Variants in CLEC16A observed in about 807,000 individuals in gnomAD.
The protein encoded by CLEC16A is protein CLEC16A.
A neutral mutation model predicts 109.5 loss-of-function variants in CLEC16A; 51 were observed. The ratio of observed to expected loss-of-function variants is 0.47; its 90% CI spans 0.37 to 0.59. The LOEUF (loss-of-function observed/expected upper bound fraction) is 0.59, where lower values mean the gene tolerates loss of function less well. CLEC16A is among the 20% of genes least tolerant of loss of function. The pLI is 0.00. For synonymous variants in CLEC16A, 673 were observed against 564.2 expected, an observed-to-expected ratio of 1.19 and a Z score of -2.73; for missense variants, 1,339 against 1,394.0, an observed-to-expected ratio of 0.96 and a Z score of 0.63.
intron 10 of CLEC16A, among the ~76,000 whole-genome samples, chr16:10,987,417 T>G (rs769915178): frequency 1.3e-5 from 2 of 152,198 alleles, no homozygotes; most frequent in African/African-American, 2.4e-5. Context: ...GGGAAGTGTT[T>G]AGGAGATCTG....
intron 14 of CLEC16A, chr16:11,041,629 A>G (rs2047341340): frequency 6.6e-6 from 1 of 152,428 alleles, no homozygotes; most frequent in Non-Finnish European, 1.5e-5. Context: ...CTTTACTAAG[A>G]TTAAAAATGC....
chr16:11,061,104 G>T, intron 19 of CLEC16A, 82 bp downstream of exon 19: 1 of 1,428,604 alleles, frequency 7.0e-7, no homozygotes, highest in Non-Finnish European at 9.3e-7. Flanking sequence ...ACACGCCACT[G>T]GGAGGGTCAG....
intron 23 of CLEC16A, among the ~76,000 whole-genome samples, chr16:11,167,606 TG>T (rs1362803361): frequency 6.6e-6 from 1 of 152,228 alleles, no homozygotes; most frequent in Non-Finnish European, 1.5e-5. Flanking sequence ...TTCCAGTTCA[TG>T]CCTGTGGCTC....
chr16:11,027,702 G>C, intron 13 of CLEC16A: 5 of 1,580,882 alleles, frequency 3.2e-6, no homozygotes, highest in Non-Finnish European at 4.3e-6. Flanking sequence ...CTTCCTCAAG[G>C]AGATGGGCAC....
intron 22 of CLEC16A, among the ~76,000 whole-genome samples, chr16:11,148,628 C>A (rs538758697): frequency 6.6e-6 from 1 of 152,196 alleles, no homozygotes; most frequent in African/African-American, 2.4e-5. Context: ...CTGTCTGCCA[C>A]CAAAGCCCAC....
At chr16:11,108,587 C>T (rs1433946582) in intron 19 of CLEC16A, among the ~76,000 whole-genome samples, 2 of 152,230 alleles carry the variant, frequency 1.3e-5, no homozygotes, top group Non-Finnish European at 2.9e-5. Flanking sequence ...ACTGGAATGC[C>T]AGGTTTTGAT....
intron 1 of CLEC16A, among the ~76,000 whole-genome samples, chr16:10,948,955 T>G (rs1035272997): frequency 6.6e-6 from 1 of 152,092 alleles, no homozygotes; most frequent in Non-Finnish European, 1.5e-5. Flanking sequence ...ACCAGCAAGG[T>G]CTCATGCCAC....
At chr16:11,146,030 C>T (rs189992911) in intron 22 of CLEC16A, among the ~76,000 whole-genome samples, 1 of 152,192 alleles carries the variant, frequency 6.6e-6, no homozygotes, top group Non-Finnish European at 1.5e-5. Context: ...GCTAGGTATG[C>T]TCCTATTTGG....
chr16:10,959,132 T>C (rs754580281), intron 2 of CLEC16A, among the ~76,000 whole-genome samples: 1 of 152,106 alleles, frequency 6.6e-6, no homozygotes, highest in African/African-American at 2.4e-5. Context: ...TGGTTTCTTA[T>C]TAGATATCCG....
intron 11 of CLEC16A, among the ~76,000 whole-genome samples, chr16:11,008,160 C>T (rs999460615): frequency 1.3e-5 from 2 of 152,150 alleles, no homozygotes; most frequent in African/African-American, 2.4e-5. Flanking sequence ...CCCTTATATC[C>T]TAGGTAACCA....
intron 22 of CLEC16A, among the ~76,000 whole-genome samples, chr16:11,162,175 C>T (rs762585837): frequency 2.0e-5 from 3 of 152,262 alleles, no homozygotes; most frequent in Non-Finnish European, 2.9e-5. Context: ...TGGCAGAACA[C>T]GGCCAGAGGG....
At chr16:11,051,672 G>T (rs1228870277) in intron 18 of CLEC16A, 31 bp downstream of exon 18, 4 of 1,608,920 alleles carry the variant, frequency 2.5e-6, no homozygotes. Flanking sequence ...TCATCTCCTG[G>T]GCCACTGTTC....
At chr16:10,975,114 G>A (rs1296370405) in intron 7 of CLEC16A, among the ~76,000 whole-genome samples, 3 of 152,114 alleles carry the variant, frequency 2.0e-5, no homozygotes, top group East Asian at 1.9e-4. Flanking sequence ...AGGCTGAGGC[G>A]GGCAGATCAC....
rs1047468622 is a variant in CLEC16A at position 10,961,615 on chromosome 16, G to C, written c.210-840G>C. Among the ~76,000 whole-genome samples, 1 of 152,216 alleles carries C rather than the reference G, an allele frequency of 6.6e-6. No individual in the cohort carries two copies. The highest frequency in any genetic ancestry group is 1.5e-5 in the Non-Finnish European group (1 of 68,036). On this transcript the variant is annotated intron_variant, in intron 2 of 23. Coordinates refer to ENST00000409790, the MANE Select transcript of CLEC16A (RefSeq NM_015226.3). The surrounding 1 kb of genome is among the most constrained non-coding windows in gnomAD (Gnocchi z 4.3). ...GTGCCGCTAGGCTGTGTACAGACAAGTATCCTATCCACAAGGAGAAAGGCA... is the reference window on the plus strand; with the variant it reads ...GTGCCGCTAGGCTGTGTACAGACAACTATCCTATCCACAAGGAGAAAGGCA...
chr16:11,129,609 C>G (rs974951245), intron 22 of CLEC16A, among the ~76,000 whole-genome samples: 26 of 152,234 alleles, frequency 1.7e-4, no homozygotes, highest in African/African-American at 6.0e-4. Flanking sequence ...TTCCCTGCCC[C>G]AGGGCCTTGC....
chr16:10,946,341 A>G (rs2041370211), intron 1 of CLEC16A, among the ~76,000 whole-genome samples: 1 of 152,180 alleles, frequency 6.6e-6, no homozygotes, highest in Non-Finnish European at 1.5e-5. Flanking sequence ...CACAGTTCTC[A>G]GCTGTGACCT....
intron 18 of CLEC16A, among the ~76,000 whole-genome samples, chr16:11,057,353 A>C (rs538338238): frequency 1.3e-5 from 2 of 152,360 alleles, no homozygotes; most frequent in Admixed American, 1.3e-4. Context: ...TGGGCTCAGC[A>C]CATCACCGGT....
chr16:10,953,950 C>G (rs1331294258), intron 1 of CLEC16A, among the ~76,000 whole-genome samples: 1 of 147,860 alleles, frequency 6.8e-6, no homozygotes, highest in Admixed American at 6.8e-5. Context: ...GCACTCCAGC[C>G]TGGGCGACAG....
rs201962167 is a variant in CLEC16A, at chr16:11,120,740, G to A, written c.2242G>A (p.Val748Met). The A allele has an allele frequency of 1.3e-6, 2 of 1,577,190 alleles. No individual in the cohort carries two copies. The highest frequency in any genetic ancestry group is 1.7e-6 in the Non-Finnish European group (2 of 1,160,396). The change falls in exon 20 of 24, where the codon GTG becomes ATG. Residue 748 changes from valine (V) to methionine (M), a missense_variant. Around this residue, in one of 3 missense-constraint regions of CLEC16A, gnomAD observed 1,061 missense variants for 1,006.8 expected, o/e 1.05. Coordinates refer to ENST00000409790, the MANE Select transcript of CLEC16A (RefSeq NM_015226.3). ...TGATGTGTCCAGGCTTGGCTGGGGA[G>A]TGGTCAAGTTTGCAGGCCTATTGCA... ...EPDVSRLGWG[V>M]VKFAGLLQDM...
Sources: gnomAD v4.1 joint callset for allele counts (sites outside exome capture counted in the v4.1 genomes callset) on GRCh38, gnomAD v4.1.1 for gene constraint, gnomAD v4.1.1 regional missense constraint, Gnocchi (gnomAD v3.1) non-coding constraint, MANE v1.5 for transcripts, NCBI Gene and HGNC (gene_info 2026-07-23, HGNC 2026-07-21) for gene names.